Variants in RSPO2 observed in about 807,000 individuals in gnomAD.
RSPO2 encodes the protein R-spondin 2.
Under a neutral mutation model 30.9 loss-of-function variants are expected in RSPO2, and 14 were observed. The ratio of observed to expected loss-of-function variants is 0.45; its 90% CI spans 0.30 to 0.71. The LOEUF (loss-of-function observed/expected upper bound fraction) is 0.71. Ranked by LOEUF, RSPO2 falls within the 30% of genes least tolerant of loss-of-function variation. The pLI, the probability that RSPO2 is intolerant of heterozygous loss-of-function variation, is 0.08. For missense variants in RSPO2, 264 were observed against 301.9 expected (o/e 0.87, Z 0.93); for synonymous variants, 107 against 96.4 (o/e 1.11, Z -0.64).
intron 5 of RSPO2, among the ~76,000 whole-genome samples, chr8:107,916,275 A>G (rs1487085218): frequency 6.6e-6 from 1 of 152,148 alleles, no homozygotes; most frequent in Non-Finnish European, 1.5e-5. Flanking sequence ...CATTTAAAAA[A>G]TTGTTCAATA....
intron 2 of RSPO2, among the ~76,000 whole-genome samples, chr8:108,008,929 TGAA>T (rs757403065): frequency 1.3e-5 from 2 of 151,722 alleles, no homozygotes; most frequent in African/African-American, 4.8e-5. Context: ...CAAATCAAAA[TGAA>T]GAAAAGTCCT....
intron 2 of RSPO2, among the ~76,000 whole-genome samples, chr8:108,003,208 C>T (rs1348048249): frequency 1.4e-5 from 2 of 144,864 alleles, no homozygotes; most frequent in South Asian, 2.2e-4. Context: ...TGCACCATCA[C>T]ACCTGGCTAA....
At chr8:108,018,431 C>A (rs1466618055) in intron 2 of RSPO2, among the ~76,000 whole-genome samples, 1 of 152,158 alleles carries the variant, frequency 6.6e-6, no homozygotes, top group Non-Finnish European at 1.5e-5. Flanking sequence ...AGCCAACCAG[C>A]TTAACTGAGA....
In RSPO2 at chr8:108,069,200, AACACAC is replaced by A. The variant is rs56977468; in HGVS notation, c.94+13339_94+13344del. Among the ~76,000 whole-genome samples, 398 of 148,354 alleles carry A rather than the reference AACACAC, an allele frequency of 2.7e-3. 1 individual carries two copies. The highest frequency in any genetic ancestry group is 4.6e-3 in the African/African-American group (188 of 40,866). On this transcript the variant is annotated intron_variant, in intron 2 of 5. Transcript: ENST00000276659. ...TCCATTGTTGGTGCATGTATGTGTG[AACACAC>A]ACACACACACACACACACACACACA...
intron 5 of RSPO2, among the ~76,000 whole-genome samples, chr8:107,939,677 A>G (rs1812831473): frequency 6.6e-6 from 1 of 152,082 alleles, no homozygotes; most frequent in African/African-American, 2.4e-5. Flanking sequence ...CAACTTGTAT[A>G]GAACCACAGG....
At chr8:107,939,159 A>AT (rs143690664) in intron 5 of RSPO2, among the ~76,000 whole-genome samples, 3,267 of 149,894 alleles carry the variant, frequency 0.022, 62 homozygotes, top group Non-Finnish European at 0.025. Flanking sequence ...CTAAACAAAC[A>AT]TTTTTTTTTT....
intron 2 of RSPO2, among the ~76,000 whole-genome samples, chr8:107,998,698 A>G (rs1815114784): frequency 6.6e-6 from 1 of 152,156 alleles, no homozygotes; most frequent in Non-Finnish European, 1.5e-5. Context: ...AAAATTGATA[A>G]TCAAGATCAA....
chr8:108,050,351 C>T (rs1484819558), intron 2 of RSPO2, among the ~76,000 whole-genome samples: 1 of 152,076 alleles, frequency 6.6e-6, no homozygotes, highest in East Asian at 1.9e-4. Context: ...AGAGTTTGTG[C>T]AAGAGTGAGA....
chr8:108,025,521 T>G (rs1341158098), intron 2 of RSPO2, among the ~76,000 whole-genome samples: 1 of 151,930 alleles, frequency 6.6e-6, no homozygotes, highest in African/African-American at 2.4e-5. Flanking sequence ...AAGGAAAAGG[T>G]CTTCCTGATT....
chr8:108,015,579 C>A (rs757293678), intron 2 of RSPO2, among the ~76,000 whole-genome samples: 1 of 152,170 alleles, frequency 6.6e-6, no homozygotes, highest in African/African-American at 2.4e-5. Context: ...CAGAATCCCC[C>A]ATCCTGGATT....
chr8:108,082,312 C>T (rs1269052631), intron 2 of RSPO2, among the ~76,000 whole-genome samples: 1 of 152,194 alleles, frequency 6.6e-6, no homozygotes, highest in African/African-American at 2.4e-5. Flanking sequence ...GATTGGCGCC[C>T]GGCTCGCCGA....
At chr8:108,076,988 T>C (rs922068498) in intron 2 of RSPO2, among the ~76,000 whole-genome samples, 2 of 152,090 alleles carry the variant, frequency 1.3e-5, no homozygotes, top group African/African-American at 2.4e-5. Flanking sequence ...GATATCACCA[T>C]AGGAACAAGT....
intron 5 of RSPO2, among the ~76,000 whole-genome samples, chr8:107,937,849 G>C (rs905807888): frequency 6.6e-6 from 1 of 152,000 alleles, no homozygotes; most frequent in Non-Finnish European, 1.5e-5. Flanking sequence ...AAATGAATTT[G>C]ATCCATATAC....
At chr8:107,983,055 C>A in intron 3 of RSPO2, 1 of 1,205,810 alleles carries the variant, frequency 8.3e-7, no homozygotes, top group East Asian at 2.4e-5. Flanking sequence ...CCCCTGCAGT[C>A]CCCTCCATGT....
chr8:108,016,998 A>T (rs1025851072), intron 2 of RSPO2, among the ~76,000 whole-genome samples: 4 of 151,458 alleles, frequency 2.6e-5, no homozygotes, highest in African/African-American at 9.7e-5. Flanking sequence ...CCAGTCTCAG[A>T]TATTTCTTTC....
At position 108,030,116 on chromosome 8, in the gene RSPO2, T is replaced by C. The variant is rs1015167362; in HGVS notation, c.95-40872A>G. Among the ~76,000 whole-genome samples, 8 of 74,194 alleles carry C rather than the reference T, an allele frequency of 1.1e-4. No homozygotes were observed. The East Asian group carries it at 2.6e-3, about 24-fold the overall frequency. The allele number at this position is 74,194 out of a possible 152,430, so 48.7% of individuals were successfully genotyped here. A position where few individuals can be genotyped will look rare whatever the true frequency, so the allele number is the denominator to read the frequency against. On this transcript the variant is annotated intron_variant, in intron 2 of 5. Coordinates refer to ENST00000276659, the MANE Select transcript of RSPO2 (RefSeq NM_178565.5). ...TTTGAAAGTAGGGTCCTGGGATAGATAGGAAAAAAAAAAAAAAAAAAAAAA... is the reference window on the plus strand; with the variant it reads ...TTTGAAAGTAGGGTCCTGGGATAGACAGGAAAAAAAAAAAAAAAAAAAAAA...
chr8:107,996,879 T>C, intron 2 of RSPO2: 2 of 452,834 alleles, frequency 4.4e-6, no homozygotes, highest in African/African-American at 2.0e-5. Context: ...CTCAACAGAC[T>C]TAAACAATGA....
Position 107,976,481 on chromosome 8 carries a change from T to C in RSPO2, c.283+12575A>G, listed in dbSNP as rs1814214604. On this transcript the variant is annotated intron_variant, in intron 3 of 5. Coordinates refer to ENST00000276659, the MANE Select transcript of RSPO2 (RefSeq NM_178565.5). The stretch of plus-strand genomic sequence containing the variant: ...GTAATGTTTAACTATATCATAGGAT[T>C]CTTAGGAGAGTATTAGAATGGCCAT... Among the ~76,000 whole-genome samples, 3 of 152,196 alleles carry C rather than the reference T, an allele frequency of 2.0e-5. 1 individual carries two copies. The South Asian group carries it at 6.2e-4, about 32-fold the overall frequency.
chr8:107,994,408 A>T (rs1351503877), intron 2 of RSPO2, among the ~76,000 whole-genome samples: 3 of 152,092 alleles, frequency 2.0e-5, no homozygotes, highest in Non-Finnish European at 4.4e-5. Flanking sequence ...TCCAAACAGA[A>T]ATATCCTACT....
Sources: gnomAD v4.1 joint callset for allele counts (sites outside exome capture counted in the v4.1 genomes callset) on GRCh38, gnomAD v4.1.1 for gene constraint, MANE v1.5 for transcripts, NCBI Gene and HGNC (gene_info 2026-07-23, HGNC 2026-07-21) for gene names.